Variants in ESR1 observed in about 807,000 individuals in gnomAD.
ESR1 encodes the protein estrogen receptor 1, also known as estrogen receptor.
Under a neutral mutation model 52.7 loss-of-function variants are expected in ESR1, and 12 were observed. That is an observed-to-expected ratio of 0.23 (90% CI 0.15 to 0.37). The LOEUF is 0.37. ESR1 is among the 10% of genes least tolerant of loss of function. ESR1 has a pLI of 1.00. For missense variants in ESR1, 584 were observed against 779.7 expected (o/e 0.75, Z 2.99); for synonymous variants, 305 against 316.8 (o/e 0.96, Z 0.39).
intron 2 of ESR1, among the ~76,000 whole-genome samples, chr6:151,780,319 G>T (rs921105445): frequency 1.3e-5 from 2 of 151,830 alleles, no homozygotes; most frequent in East Asian, 1.9e-4. Context: ...TAACGAACCT[G>T]CACATTCTGC....
chr6:151,966,275 C>G (rs1276181621), intron 4 of ESR1, among the ~76,000 whole-genome samples: 1 of 152,132 alleles, frequency 6.6e-6, no homozygotes, highest in East Asian at 1.9e-4. Flanking sequence ...ACTCTTATTT[C>G]TTTCATATCA....
At chr6:152,008,399 C>T (rs910998502) in intron 4 of ESR1, among the ~76,000 whole-genome samples, 4 of 152,020 alleles carry the variant, frequency 2.6e-5, no homozygotes, top group Admixed American at 1.3e-4. Flanking sequence ...GGCTGGCCTC[C>T]GACTGAAAAC....
intron 4 of ESR1, among the ~76,000 whole-genome samples, chr6:151,949,229 A>G (rs35365822): frequency 0.16 from 24,473 of 152,182 alleles, 2,249 homozygotes; most frequent in African/African-American, 0.23. Context: ...CTTCAACTCT[A>G]TCTGCAAGTG....
chr6:152,028,808 G>C (rs2128855019), intron 5 of ESR1, among the ~76,000 whole-genome samples: 2 of 152,318 alleles, frequency 1.3e-5, no homozygotes, highest in South Asian at 4.1e-4. Flanking sequence ...GGTTCTCCCA[G>C]CATGCAGCTT....
At chr6:152,122,331 G>A (rs908745066) in intron 6 of ESR1, 26 of 1,592,928 alleles carry the variant, frequency 1.6e-5, no homozygotes, top group Admixed American at 5.0e-5. Flanking sequence ...CTGCCACACC[G>A]AGGGCTTTCG....
intron 1 of ESR1, among the ~76,000 whole-genome samples, chr6:151,671,199 A>G (rs138053742): frequency 6.6e-6 from 1 of 152,350 alleles, no homozygotes; most frequent in East Asian, 1.9e-4. Flanking sequence ...TTCAATGGAA[A>G]TAAAATCAGT....
intron 2 of ESR1, among the ~76,000 whole-genome samples, chr6:151,753,319 A>AT (rs34402963): frequency 0.043 from 5,874 of 137,342 alleles, 383 homozygotes; most frequent in African/African-American, 0.13. Flanking sequence ...ATTTGATTGC[A>AT]TTTTTTTTTT....
chr6:151,882,990 GT>G (rs1188916934), intron 3 of ESR1, among the ~76,000 whole-genome samples: 3 of 152,200 alleles, frequency 2.0e-5, no homozygotes, highest in African/African-American at 7.2e-5. Context: ...ATCTGTATTA[GT>G]TTTCTAGGGC....
intron 3 of ESR1, among the ~76,000 whole-genome samples, chr6:151,886,097 T>A (rs1243728330): frequency 2.6e-5 from 4 of 152,138 alleles, no homozygotes; most frequent in Non-Finnish European, 5.9e-5. Flanking sequence ...TTCTACAAGA[T>A]ATAAATTTCT....
chr6:151,890,742 T>A (rs552708003), intron 3 of ESR1, among the ~76,000 whole-genome samples: 34 of 152,332 alleles, frequency 2.2e-4, no homozygotes, highest in African/African-American at 7.5e-4. Context: ...TTAATGGCCT[T>A]CTTTGTCTTA....
chr6:151,987,665 G>A (rs1321161955), intron 4 of ESR1, among the ~76,000 whole-genome samples: 1 of 152,086 alleles, frequency 6.6e-6, no homozygotes, highest in Non-Finnish European at 1.5e-5. Flanking sequence ...CTGCAGCCTG[G>A]GTCCAAAGTG....
chr6:151,928,974 A>C (rs2128480294), intron 3 of ESR1, among the ~76,000 whole-genome samples: 1 of 152,306 alleles, frequency 6.6e-6, no homozygotes, highest in Middle Eastern at 3.4e-3. Flanking sequence ...TGTGACCCAG[A>C]ATGTGGTCTA....
Position 151,969,925 on chromosome 6 carries a change from T to A in ESR1, c.1096+25417T>A, listed in dbSNP as rs189499733. On this transcript the variant is annotated intron_variant, in intron 4 of 7. Transcript: ENST00000206249. ...TTAAAACACAACAAATTTTTTTTTT[T>A]AATTTTAAATGAACTTATTCATTGC... 9.1e-4 allele frequency among the ~76,000 whole-genome samples: 138 copies of A among 152,112 alleles called. 1 individual carries two copies. The highest frequency in any genetic ancestry group is 3.1e-3 in the African/African-American group (129 of 41,506).
intron 4 of ESR1, among the ~76,000 whole-genome samples, chr6:151,962,443 C>A (rs2037776100): frequency 6.6e-6 from 1 of 151,380 alleles, no homozygotes. Context: ...TTGACCTCAG[C>A]CATCTACACA....
chr6:151,788,751 A>G (rs2128129453), intron 2 of ESR1, among the ~76,000 whole-genome samples: 1 of 152,380 alleles, frequency 6.6e-6, no homozygotes, highest in South Asian at 2.1e-4. Flanking sequence ...GTACATATAC[A>G]TGATAGAATA....
intron 1 of ESR1, among the ~76,000 whole-genome samples, chr6:151,674,569 G>T (rs1020578383): frequency 7.2e-5 from 11 of 152,160 alleles, no homozygotes; most frequent in African/African-American, 2.4e-4. Context: ...GGGTCAAATG[G>T]TGTTTCTGGT....
intron 1 of ESR1, among the ~76,000 whole-genome samples, chr6:151,696,854 T>C (rs1180838524): frequency 6.6e-6 from 1 of 152,070 alleles, no homozygotes; most frequent in Non-Finnish European, 1.5e-5. Context: ...TGGTGCAGGA[T>C]GGTTAGGGAT....
chr6:151,775,669 C>T (rs1049911657), intron 2 of ESR1, among the ~76,000 whole-genome samples: 1 of 151,798 alleles, frequency 6.6e-6, no homozygotes, highest in Non-Finnish European at 1.5e-5. Flanking sequence ...TGGCGTGAAC[C>T]CGGGAGGCGG....
intron 1 of ESR1, among the ~76,000 whole-genome samples, chr6:151,814,739 T>C (rs929901217): frequency 1.3e-5 from 2 of 152,228 alleles, no homozygotes; most frequent in African/African-American, 4.8e-5. Context: ...TTATTCCAAA[T>C]TGAGTCATTC....
Sources: gnomAD v4.1 joint callset for allele counts (sites outside exome capture counted in the v4.1 genomes callset) on GRCh38, gnomAD v4.1.1 for gene constraint, MANE v1.5 for transcripts, NCBI Gene and HGNC (gene_info 2026-07-23, HGNC 2026-07-21) for gene names.